Variants in UBL3 observed in about 807,000 individuals in gnomAD.
The protein encoded by UBL3 is ubiquitin-like protein 3.
UBL3 carries 6 observed loss-of-function variants against 18.4 expected under a neutral mutation model. The observed-to-expected ratio is 0.33, with a 90% CI of 0.18 to 0.64. The LOEUF is 0.64. UBL3 is among the 30% of genes least tolerant of loss of function. The pLI, the probability that UBL3 is intolerant of heterozygous loss-of-function variation, is 0.76. For synonymous variants in UBL3, 49 were observed against 46.6 expected (o/e 1.05, Z -0.21); for missense variants, 109 against 142.9 (o/e 0.76, Z 1.21).
intron 1 of UBL3, among the ~76,000 whole-genome samples, chr13:29,840,824 T>G (rs1332257049): frequency 1.3e-5 from 2 of 152,198 alleles, no homozygotes; most frequent in Non-Finnish European, 2.9e-5. Flanking sequence ...TAAATGCTCA[T>G]GAATATGGAA....
chr13:29,789,279 A>G (rs1056798673), intron 1 of UBL3, among the ~76,000 whole-genome samples: 1 of 152,238 alleles, frequency 6.6e-6, no homozygotes, highest in Non-Finnish European at 1.5e-5. Flanking sequence ...TGATGGTAGC[A>G]AAACTTCACA....
At chr13:29,847,587 A>G (rs530192365) in intron 1 of UBL3, among the ~76,000 whole-genome samples, 9 of 152,356 alleles carry the variant, frequency 5.9e-5, no homozygotes, top group Non-Finnish European at 1.0e-4. Flanking sequence ...CGCACATTCC[A>G]GCTTTTCTTC....
chr13:29,776,869 C>CAAA (rs869080358), intron 2 of UBL3, among the ~76,000 whole-genome samples: 5 of 62,732 alleles, frequency 8.0e-5, no homozygotes, highest in African/African-American at 2.5e-4. Flanking sequence ...GACTCCATCT[C>CAAA]AAAAAAAAAA....
chr13:29,775,759 G>A (rs747058071), intron 2 of UBL3, among the ~76,000 whole-genome samples: 3 of 152,008 alleles, frequency 2.0e-5, no homozygotes, highest in Non-Finnish European at 2.9e-5. Flanking sequence ...TGGATTACAG[G>A]GGTGCACCAC....
intron 1 of UBL3, among the ~76,000 whole-genome samples, chr13:29,793,855 C>CT (rs1170810927): frequency 2.6e-5 from 4 of 152,002 alleles, no homozygotes; most frequent in Non-Finnish European, 5.9e-5. Flanking sequence ...TTTTCTTTTC[C>CT]TTTTTTTGAG....
At chr13:29,842,819 T>C (rs774091533) in intron 1 of UBL3, among the ~76,000 whole-genome samples, 15 of 152,130 alleles carry the variant, frequency 9.9e-5, no homozygotes, top group Non-Finnish European at 1.8e-4. Context: ...GCCAGAAAAT[T>C]AGCCCTCCTA....
At chr13:29,839,541 C>A (rs1272815656) in intron 1 of UBL3, among the ~76,000 whole-genome samples, 2 of 152,150 alleles carry the variant, frequency 1.3e-5, no homozygotes, top group Admixed American at 1.3e-4. Context: ...GTATTCTCAG[C>A]TACTTGGGAG....
At chr13:29,777,586 T>C in intron 1 of UBL3, 1 of 375,228 alleles carries the variant, frequency 2.7e-6, no homozygotes. Flanking sequence ...TCACTATTAT[T>C]ATAGAATATA....
intron 1 of UBL3, among the ~76,000 whole-genome samples, chr13:29,811,893 ACT>A (rs1327708352): frequency 6.6e-6 from 1 of 151,584 alleles, no homozygotes; most frequent in African/African-American, 2.4e-5. Flanking sequence ...TAACTGATAC[ACT>A]CTCTATCTTC....
In UBL3 at chr13:29,849,811, G is replaced by C. The variant is rs1430821333; in HGVS notation, c.-273C>G. ...GTCGTCGTCGTCGTCGTCAACAGCAGCAGCAGCCCCAGGACCGGCCGCGCC... is the reference window on the plus strand; with the variant it reads ...GTCGTCGTCGTCGTCGTCAACAGCACCAGCAGCCCCAGGACCGGCCGCGCC... On this transcript the variant is annotated 5_prime_UTR_variant, in exon 1 of 5. Coordinates refer to ENST00000380680, the MANE Select transcript of UBL3 (RefSeq NM_007106.4). 1.8e-6 allele frequency: 1 copy of C among 569,612 alleles called. No individual in the cohort carries two copies. Among genetic ancestry groups the C allele is most frequent in the African/African-American group, 1.9e-5 (1 of 52,962 alleles). 35.3% of individuals were successfully genotyped at this position (569,612 alleles called of 1,614,324 possible). A position where few individuals can be genotyped will look rare whatever the true frequency, so the allele number is the denominator to read the frequency against.
At chr13:29,849,150 G>A (rs190617773) in intron 1 of UBL3, among the ~76,000 whole-genome samples, 165 of 152,190 alleles carry the variant, frequency 1.1e-3, no homozygotes, top group South Asian at 2.5e-3. Flanking sequence ...CTATTCTCTC[G>A]TAGGGACACC....
chr13:29,838,200 A>G (rs9551751), intron 1 of UBL3, among the ~76,000 whole-genome samples: 18,322 of 152,144 alleles, frequency 0.12, 1,414 homozygotes, highest in East Asian at 0.41. Flanking sequence ...TGATAAAATA[A>G]CATCTTGAAG....
intron 1 of UBL3, among the ~76,000 whole-genome samples, chr13:29,786,108 C>T (rs1877307233): frequency 6.6e-6 from 1 of 152,146 alleles, no homozygotes. Flanking sequence ...AGTTTAGAGA[C>T]TCTAGTAAGC....
At chr13:29,826,290 A>C (rs2476650) in intron 1 of UBL3, among the ~76,000 whole-genome samples, 15,533 of 152,090 alleles carry the variant, frequency 0.1, 971 homozygotes, top group African/African-American at 0.17. Flanking sequence ...TCCTCCTTGT[A>C]CCTCTGCTAG....
In UBL3 at chr13:29,841,982, A is replaced by ATT. The variant is rs1254750536; in HGVS notation, c.27+7529_27+7530insAA. On this transcript the variant is annotated intron_variant, in intron 1 of 4. Coordinates refer to ENST00000380680, the MANE Select transcript of UBL3 (RefSeq NM_007106.4). ...TATGTTTTCTCACCAATGACTTTCC[A>ATT]AATCCCCTTCATTTATCCTGTCTCC... is the stretch of plus-strand genomic sequence containing the variant. Among the ~76,000 whole-genome samples the ATT allele has an allele frequency of 2.0e-5, 3 of 152,230 alleles. No individual in the cohort carries two copies. In the East Asian group the frequency reaches 5.8e-4, roughly 29 times the overall value.
chr13:29,782,287 C>G (rs1346524990), intron 1 of UBL3, among the ~76,000 whole-genome samples: 2 of 152,012 alleles, frequency 1.3e-5, no homozygotes, highest in African/African-American at 4.8e-5. Flanking sequence ...CAAGACAAAA[C>G]AAGACACACA....
intron 1 of UBL3, among the ~76,000 whole-genome samples, chr13:29,816,858 T>C (rs1878296861): frequency 6.6e-6 from 1 of 152,128 alleles, no homozygotes; most frequent in South Asian, 2.1e-4. Flanking sequence ...TGTAATATTT[T>C]TATTGCTTGG....
chr13:29,820,906 T>C (rs1324081362), intron 1 of UBL3, among the ~76,000 whole-genome samples: 1 of 152,218 alleles, frequency 6.6e-6, no homozygotes, highest in Non-Finnish European at 1.5e-5. Flanking sequence ...CTTCCCAGAA[T>C]TCTGGGAATA....
intron 1 of UBL3, among the ~76,000 whole-genome samples, chr13:29,843,884 C>T (rs1030591211): frequency 6.6e-5 from 10 of 152,098 alleles, no homozygotes; most frequent in Non-Finnish European, 8.8e-5. Context: ...CAAACACATC[C>T]GCTAGATTTT....
Sources: gnomAD v4.1 joint callset for allele counts (sites outside exome capture counted in the v4.1 genomes callset) on GRCh38, gnomAD v4.1.1 for gene constraint, MANE v1.5 for transcripts, NCBI Gene and HGNC (gene_info 2026-07-23, HGNC 2026-07-21) for gene names.